GNG4: variants seen among roughly 807,000 people sequenced by gnomAD.
GNG4 encodes the protein G protein subunit gamma 4.
A neutral mutation model predicts 5.8 loss-of-function variants in GNG4; 4 were observed. The observed-to-expected ratio is 0.69, with a 90% CI of 0.34 to 1.57. GNG4 has a LOEUF of 1.57. Ranked by LOEUF, GNG4 falls within the 40% of genes most tolerant of loss-of-function variation. GNG4 has a pLI of 0.06. For missense variants in GNG4, 96 were observed against 95.1 expected, an observed-to-expected ratio of 1.01 and a Z score of -0.04; for synonymous variants, 29 against 32.9, an observed-to-expected ratio of 0.88 and a Z score of 0.41.
intron 2 of GNG4, among the ~76,000 whole-genome samples, chr1:235,585,729 G>T (rs1163261938): frequency 6.6e-6 from 1 of 152,112 alleles, no homozygotes; most frequent in African/African-American, 2.4e-5. Flanking sequence ...TATTGTGGGG[G>T]TGTGTCTTCA....
intron 3 of GNG4, among the ~76,000 whole-genome samples, chr1:235,568,630 C>A (rs1017527532): frequency 6.6e-6 from 1 of 152,124 alleles, no homozygotes; most frequent in Non-Finnish European, 1.5e-5. Context: ...GATGCTGTTT[C>A]TCCTTGGGCT....
At chr1:235,579,521 A>C (rs949309730) in intron 3 of GNG4, among the ~76,000 whole-genome samples, 2 of 152,092 alleles carry the variant, frequency 1.3e-5, no homozygotes, top group African/African-American at 4.8e-5. Context: ...TGACGTGATG[A>C]AGCCCCTGTG....
At chr1:235,564,866 A>G (rs568836914) in intron 3 of GNG4, among the ~76,000 whole-genome samples, 1 of 152,128 alleles carries the variant, frequency 6.6e-6, no homozygotes, top group South Asian at 2.1e-4. Context: ...TGGTATTCTT[A>G]GTAGAGATGG....
chr1:235,610,783 T>TAAA (rs556568653), intron 1 of GNG4, among the ~76,000 whole-genome samples: 236 of 151,978 alleles, frequency 1.6e-3, no homozygotes, highest in African/African-American at 5.6e-3. Flanking sequence ...TCTGTCAAGA[T>TAAA]AAAAAAAAGC....
chr1:235,631,993 G>C (rs544473618), intron 1 of GNG4, among the ~76,000 whole-genome samples: 3 of 152,210 alleles, frequency 2.0e-5, no homozygotes, highest in Admixed American at 6.5e-5. Context: ...GGGAGGGCCT[G>C]GGAGGTCACC....
chr1:235,585,072 C>G (rs1046789583), intron 2 of GNG4, among the ~76,000 whole-genome samples: 1 of 152,242 alleles, frequency 6.6e-6, no homozygotes, highest in South Asian at 2.1e-4. Context: ...ACACTGGACT[C>G]CAGTCTATTC....
intron 3 of GNG4, among the ~76,000 whole-genome samples, chr1:235,571,311 C>T (rs72761703): frequency 0.05 from 7,565 of 152,228 alleles, 240 homozygotes; most frequent in Middle Eastern, 0.085. Flanking sequence ...GTTTCCTATC[C>T]CTGGGCTCTC....
At position 235,620,685 on chromosome 1, in the gene GNG4, G is replaced by A. The variant is rs191003438; in HGVS notation, c.-122-25174C>T. Among the ~76,000 whole-genome samples, 135 of 152,174 alleles carry A rather than the reference G, an allele frequency of 8.9e-4. 2 individuals carry two copies. In the East Asian group the frequency reaches 0.023, roughly 26 times the overall value. ...CATGTAGCTGGGACTACAGGTGCCC[G>A]CCACCACGCCCAGCTAAGTTTTTAT... On this transcript the variant is annotated intron_variant, in intron 1 of 3. Transcript: ENST00000391854.
chr1:235,589,347 G>GA (rs2102949582), intron 2 of GNG4, among the ~76,000 whole-genome samples: 1 of 152,252 alleles, frequency 6.6e-6, no homozygotes, highest in East Asian at 1.9e-4. Flanking sequence ...TGCTGACCCC[G>GA]AAGGCAGGGG....
intron 3 of GNG4, among the ~76,000 whole-genome samples, chr1:235,568,987 C>T (rs1476826081): frequency 2.6e-5 from 4 of 151,828 alleles, no homozygotes; most frequent in Admixed American, 6.6e-5. Context: ...CCACCAAGCC[C>T]GGCTAATTTT....
chr1:235,594,895 C>A (rs1036362142), intron 2 of GNG4, among the ~76,000 whole-genome samples: 8 of 152,212 alleles, frequency 5.3e-5, no homozygotes, highest in Non-Finnish European at 1.0e-4. Flanking sequence ...GCAGAGGAGG[C>A]GCCGAGAGCG....
At chr1:235,568,803 T>TTC (rs1159923045) in intron 3 of GNG4, among the ~76,000 whole-genome samples, 1 of 151,634 alleles carries the variant, frequency 6.6e-6, no homozygotes, top group Admixed American at 6.6e-5. Flanking sequence ...CTTTTTTTTT[T>TTC]TCTTTTTTTC....
At chr1:235,570,833 C>T (rs941553903) in intron 3 of GNG4, among the ~76,000 whole-genome samples, 1 of 149,644 alleles carries the variant, frequency 6.7e-6, no homozygotes, top group Non-Finnish European at 1.5e-5. Context: ...TAGGTACATG[C>T]TACCATATCC....
At chr1:235,626,532 C>T (rs1688813010) in intron 1 of GNG4, among the ~76,000 whole-genome samples, 2 of 152,146 alleles carry the variant, frequency 1.3e-5, no homozygotes, top group South Asian at 4.1e-4. Context: ...TTTAAATTCT[C>T]ACCTAATTCT....
intron 1 of GNG4, among the ~76,000 whole-genome samples, chr1:235,639,000 T>C (rs1262549998): frequency 6.6e-6 from 1 of 152,204 alleles, no homozygotes; most frequent in African/African-American, 2.4e-5. Flanking sequence ...GAATTATTTA[T>C]AATCCTTTGG....
intron 3 of GNG4, among the ~76,000 whole-genome samples, chr1:235,574,653 T>C (rs1224540038): frequency 6.6e-6 from 1 of 152,212 alleles, no homozygotes; most frequent in East Asian, 1.9e-4. Context: ...ATTCAACTTT[T>C]GTGTCCTTGC....
chr1:235,547,830 G>C lies in GNG4; in HGVS notation c.*4279C>G, dbSNP rs1368322318. Reference sequence around the variant, plus strand: ...CCAGATCAAGAAACAGAACACCCCAGAAGCACCACCTCATGCCCGCTTCTG... The same window carrying C: ...CCAGATCAAGAAACAGAACACCCCACAAGCACCACCTCATGCCCGCTTCTG... On this transcript the variant is annotated 3_prime_UTR_variant, in exon 4 of 4. Transcript: ENST00000391854. 6.6e-6 allele frequency: 1 copy of C among 152,132 alleles called. No individual in the cohort carries two copies. The highest frequency in any genetic ancestry group is 1.5e-5 in the Non-Finnish European group (1 of 68,052). The allele number at this position is 152,132 out of a possible 1,614,324, so 9.4% of individuals were successfully genotyped here.
intron 1 of GNG4, among the ~76,000 whole-genome samples, chr1:235,645,879 CTCTT>C (rs1168315531): frequency 3.1e-4 from 47 of 151,636 alleles, no homozygotes; most frequent in African/African-American, 9.7e-5. Flanking sequence ...CGCCCTGCCT[CTCTT>C]TCTTTGTTGG....
intron 3 of GNG4, among the ~76,000 whole-genome samples, chr1:235,561,384 T>G (rs918600271): frequency 1.3e-5 from 2 of 152,048 alleles, no homozygotes; most frequent in African/African-American, 4.8e-5. Context: ...CTTGCTCTCT[T>G]GCACGCGCTC....
Sources: gnomAD v4.1 joint callset for allele counts (sites outside exome capture counted in the v4.1 genomes callset) on GRCh38, gnomAD v4.1.1 for gene constraint, MANE v1.5 for transcripts, NCBI Gene and HGNC (gene_info 2026-07-23, HGNC 2026-07-21) for gene names.